RBFOX1: variants seen among roughly 807,000 people sequenced by gnomAD.
RBFOX1 encodes the protein RNA binding protein fox-1 homolog 1.
RBFOX1 carries 8 observed loss-of-function variants against 57.7 expected under a neutral mutation model. That is an observed-to-expected ratio of 0.14 (90% CI 0.08 to 0.25). RBFOX1 has a LOEUF of 0.25. Ranked by LOEUF, RBFOX1 falls within the 10% of genes least tolerant of loss-of-function variation. The pLI, the probability that RBFOX1 is intolerant of heterozygous loss-of-function variation, is 1.00. For missense variants in RBFOX1, 611 were observed against 548.5 expected, an observed-to-expected ratio of 1.11 and a Z score of -1.14; for synonymous variants, 326 against 222.4, an observed-to-expected ratio of 1.47 and a Z score of -4.15.
At chr16:6,206,037 C>T (rs757206274) in intron 1 of RBFOX1, among the ~76,000 whole-genome samples, 6 of 151,860 alleles carry the variant, frequency 4.0e-5, no homozygotes, top group Non-Finnish European at 7.4e-5. Context: ...CCACTATTTT[C>T]TTTAATGTGC....
intron 1 of RBFOX1, among the ~76,000 whole-genome samples, chr16:6,218,769 T>G (rs1005517327): frequency 1.3e-5 from 2 of 152,146 alleles, no homozygotes; most frequent in Non-Finnish European, 2.9e-5. Flanking sequence ...GGTCTCCTTC[T>G]TCAGATATTT....
intron 3 of RBFOX1, among the ~76,000 whole-genome samples, chr16:5,837,523 A>T (rs1443174970): frequency 6.7e-6 from 1 of 149,540 alleles, no homozygotes; most frequent in African/African-American, 2.5e-5. Context: ...TCCCAACCCC[A>T]CTGGTTACCA....
intron 2 of RBFOX1, among the ~76,000 whole-genome samples, chr16:5,545,489 G>A (rs1296530034): frequency 6.6e-6 from 1 of 152,018 alleles, no homozygotes; most frequent in Non-Finnish European, 1.5e-5. Flanking sequence ...AGCAAATACA[G>A]CAATATATAA....
rs2096526520 is a variant in RBFOX1 at position 6,118,811 on chromosome 16, T to C, written c.-127+98819T>C. On this transcript the variant is annotated intron_variant, in intron 1 of 15. Transcript: ENST00000550418. ...TTTCTCTCTCTCCTTCCTTCCTTCC[T>C]TCCTTCCCTCCTTCCTCTTTCTCTC... Among the ~76,000 whole-genome samples the C allele has an allele frequency of 2.0e-5, 3 of 151,144 alleles. No homozygotes were observed. The South Asian group carries it at 6.3e-4, about 32-fold the overall frequency.
intron 2 of RBFOX1, among the ~76,000 whole-genome samples, chr16:6,407,596 G>GAGAGAGAGAGAGAGAGAGAGAGAC (rs71386523): frequency 6.8e-6 from 1 of 146,090 alleles, no homozygotes; most frequent in Non-Finnish European, 1.5e-5. Context: ...AGAGAGAGAA[G>GAGAGAGAGAGAGAGAGAGAGAGAC]TACATTCTAT....
At chr16:6,364,303 C>T (rs913111530) in intron 2 of RBFOX1, among the ~76,000 whole-genome samples, 1 of 152,294 alleles carries the variant, frequency 6.6e-6, no homozygotes, top group Middle Eastern at 3.4e-3. Flanking sequence ...GAAAAGTTTT[C>T]TTATGTTTTA....
At chr16:7,322,667 A>G (rs998393612) in intron 4 of RBFOX1, among the ~76,000 whole-genome samples, 2 of 152,168 alleles carry the variant, frequency 1.3e-5, no homozygotes, top group African/African-American at 4.8e-5. Flanking sequence ...CCAATTTCAG[A>G]GTGGTTCATG....
intron 2 of RBFOX1, among the ~76,000 whole-genome samples, chr16:6,444,900 G>A (rs988249342): frequency 2.0e-5 from 3 of 152,096 alleles, no homozygotes; most frequent in African/African-American, 7.2e-5. Flanking sequence ...AAATGGAACG[G>A]CCAGGTTTTC....
chr16:7,048,081 G>T, intron 3 of RBFOX1, among the ~76,000 whole-genome samples: 1 of 152,046 alleles, frequency 6.6e-6, no homozygotes, highest in African/African-American at 2.4e-5. Context: ...GTTTCACCAT[G>T]TTGGCCAGGC....
intron 4 of RBFOX1, among the ~76,000 whole-genome samples, chr16:7,277,320 G>T (rs1288335801): frequency 6.6e-6 from 1 of 152,112 alleles, no homozygotes; most frequent in East Asian, 1.9e-4. Context: ...GTTACTCAGG[G>T]AAGATCCAAT....
Position 5,565,627 on chromosome 16 carries a change from CATAAATAAATAAATAA to C in RBFOX1, c.259-33246_259-33231del, listed in dbSNP as rs55680549. Among the ~76,000 whole-genome samples the C allele has an allele frequency of 2.0e-4, 28 of 142,836 alleles. 1 individual carries two copies. The highest frequency in any genetic ancestry group is 4.1e-4 in the African/African-American group (16 of 38,684). The allele number at this position is 142,836 out of a possible 152,430, so 93.7% of individuals were successfully genotyped here. ...GCAATAAGAGCGAAACTCTGCCTTA[CATAAATAAATAAATAA>C]ATAAATAAATAAATAAATAAATAAA... is the stretch of plus-strand genomic sequence containing the variant. On this transcript the variant is annotated intron_variant, in intron 2 of 2. Transcript: ENST00000585867.
chr16:6,076,299 CAA>C (rs35272016), intron 1 of RBFOX1, among the ~76,000 whole-genome samples: 6 of 144,202 alleles, frequency 4.2e-5, no homozygotes, highest in South Asian at 2.2e-4. Flanking sequence ...AACTCTGTCT[CAA>C]AAAAAAAAAA....
At chr16:7,617,566 G>T (rs1485053935) in intron 10 of RBFOX1, among the ~76,000 whole-genome samples, 1 of 152,160 alleles carries the variant, frequency 6.6e-6, no homozygotes, top group Non-Finnish European at 1.5e-5. Flanking sequence ...ATGAACCCAT[G>T]ACCTTAGCTG....
chr16:6,400,541 A>C (rs899530809), intron 2 of RBFOX1, among the ~76,000 whole-genome samples: 2 of 151,998 alleles, frequency 1.3e-5, no homozygotes, highest in East Asian at 1.9e-4. Context: ...AACTAGAAAA[A>C]AAGAAAATTA....
At chr16:6,007,932 G>T (rs1348833955) in intron 4 of RBFOX1, among the ~76,000 whole-genome samples, 1 of 152,138 alleles carries the variant, frequency 6.6e-6, no homozygotes, top group Non-Finnish European at 1.5e-5. Context: ...GGTGATATGG[G>T]CCAGGTGCAG....
intron 4 of RBFOX1, among the ~76,000 whole-genome samples, chr16:5,943,799 A>G (rs959914435): frequency 3.9e-5 from 6 of 152,006 alleles, no homozygotes; most frequent in Non-Finnish European, 7.4e-5. Context: ...TAATTTATCT[A>G]TTCACCCACC....
intron 3 of RBFOX1, among the ~76,000 whole-genome samples, chr16:6,698,945 G>A (rs2061442148): frequency 6.6e-6 from 1 of 152,136 alleles, no homozygotes. Context: ...AGCGTACGAA[G>A]ACTCTAGAAC....
At chr16:6,454,401 A>T (rs2153051852) in intron 2 of RBFOX1, among the ~76,000 whole-genome samples, 1 of 152,250 alleles carries the variant, frequency 6.6e-6, no homozygotes, top group African/African-American at 2.4e-5. Context: ...TACTAAAAAT[A>T]CAAAAATTAG....
At chr16:6,503,957 A>G (rs1014589) in intron 2 of RBFOX1, among the ~76,000 whole-genome samples, 34,963 of 152,152 alleles carry the variant, frequency 0.23, 4,491 homozygotes, top group Non-Finnish European at 0.29. Flanking sequence ...CATCTTTGGC[A>G]CTTGAATTCA....
Sources: allele counts gnomAD v4.1 joint callset (sites outside exome capture counted in the v4.1 genomes callset), GRCh38; gene constraint gnomAD v4.1.1; transcripts MANE v1.5; gene names NCBI Gene and HGNC (gene_info 2026-07-23, HGNC 2026-07-21).